SLC35F2: variants seen among roughly 807,000 people sequenced by gnomAD.
SLC35F2 encodes the protein solute carrier family 35 member F2, also known as queuine/queuosine transporter SLC35F2.
In SLC35F2, 25 loss-of-function variants were observed where a neutral mutation model predicts 38.1. The observed-to-expected ratio is 0.66, with a 90% CI of 0.48 to 0.92. The LOEUF (loss-of-function observed/expected upper bound fraction) is 0.92, where lower values mean the gene tolerates loss of function less well. Ranked by LOEUF, SLC35F2 falls within the 40% of genes least tolerant of loss-of-function variation. SLC35F2 has a pLI of 0.00. For synonymous variants in SLC35F2, 173 were observed against 181.7 expected (o/e 0.95, Z 0.38); for missense variants, 409 against 452.9 (o/e 0.90, Z 0.88).
chr11:107,810,590 G>A (rs1238166523), intron 3 of SLC35F2: 30 of 985,082 alleles, frequency 3.0e-5, no homozygotes, highest in Non-Finnish European at 3.3e-5. Flanking sequence ...TAATTTTTAC[G>A]AAACTTTAGG....
Position 107,821,492 on chromosome 11 carries a change from G to A in SLC35F2, c.111-5527C>T, listed in dbSNP as rs1053041692. On this transcript the variant is annotated intron_variant, in intron 1 of 7. Coordinates refer to ENST00000525815, the MANE Select transcript of SLC35F2 (RefSeq NM_017515.5). ...GGAGGGGGTAGGAAATTGAGCAAAG[G>A]AAGAAAGAAGACAAGAACACTCAAA... 4 of 985,246 alleles carry A rather than the reference G, an allele frequency of 4.1e-6. No homozygotes were observed. The East Asian group carries it at 4.5e-4, about 112-fold the overall frequency. 61.0% of individuals were successfully genotyped at this position (985,246 alleles called of 1,614,324 possible).
intron 3 of SLC35F2, among the ~76,000 whole-genome samples, chr11:107,808,664 G>A (rs1392792744): frequency 2.6e-5 from 4 of 152,130 alleles, no homozygotes; most frequent in Admixed American, 6.5e-5. Context: ...AGCATCAGTG[G>A]AGTCCAACGC....
intron 1 of SLC35F2, among the ~76,000 whole-genome samples, chr11:107,817,208 G>C (rs1178003256): frequency 6.6e-6 from 1 of 151,984 alleles, no homozygotes; most frequent in Non-Finnish European, 1.5e-5. Flanking sequence ...CACAGGAAGC[G>C]GAGGTTGCAG....
chr11:107,844,139 G>T (rs1046552663), intron 1 of SLC35F2, among the ~76,000 whole-genome samples: 2 of 151,874 alleles, frequency 1.3e-5, no homozygotes, highest in African/African-American at 2.4e-5. Context: ...TTGCCCTATC[G>T]CAAAAGACAG....
chr11:107,806,024 C>T (rs1298421777), intron 4 of SLC35F2, among the ~76,000 whole-genome samples: 1 of 152,162 alleles, frequency 6.6e-6, no homozygotes, highest in Admixed American at 6.6e-5. Context: ...CTCAGGTGAT[C>T]CACCCACCTT....
intron 7 of SLC35F2, among the ~76,000 whole-genome samples, chr11:107,796,953 G>A (rs571868038): frequency 3.9e-5 from 6 of 152,244 alleles, no homozygotes; most frequent in East Asian, 3.9e-4. Flanking sequence ...GATTACAGGC[G>A]TGAGCCACCA....
At chr11:107,809,644 A>G (rs74990658) in intron 3 of SLC35F2, 2 of 972,748 alleles carry the variant, frequency 2.1e-6, no homozygotes, top group East Asian at 2.3e-4. Context: ...AAAAAAAAAA[A>G]GTATTCTTGG....
chr11:107,795,024 A>G (rs2134755818), intron 7 of SLC35F2, among the ~76,000 whole-genome samples: 1 of 152,312 alleles, frequency 6.6e-6, no homozygotes, highest in South Asian at 2.1e-4. Flanking sequence ...GAAAGCTACA[A>G]AACCCTGATG....
intron 4 of SLC35F2, among the ~76,000 whole-genome samples, chr11:107,806,116 T>C (rs895482095): frequency 3.3e-5 from 5 of 152,206 alleles, no homozygotes; most frequent in African/African-American, 1.2e-4. Context: ...CTTACTCTTC[T>C]CACTTTCTGG....
At chr11:107,848,273 GAAAA>G (rs368917836) in intron 1 of SLC35F2, among the ~76,000 whole-genome samples, 5,715 of 152,240 alleles carry the variant, frequency 0.038, 180 homozygotes, top group African/African-American at 0.089. Context: ...AGAGGAAGAA[GAAAA>G]AGGAGAGAAG....
At chr11:107,848,111 G>A (rs771666213) in intron 1 of SLC35F2, among the ~76,000 whole-genome samples, 4 of 152,034 alleles carry the variant, frequency 2.6e-5, no homozygotes, top group Admixed American at 1.3e-4. Flanking sequence ...ACAAGTTCTG[G>A]AAACAGATAT....
intron 4 of SLC35F2, 157 bp from the exon 5 acceptor site, chr11:107,805,672 A>ATGTG: frequency 2.1e-6 from 2 of 930,274 alleles, no homozygotes; most frequent in Non-Finnish European, 2.6e-6. Context: ...GTGTGTGTGT[A>ATGTG]TGTGTGTGTG....
chr11:107,805,259 C>T lies in SLC35F2; in HGVS notation c.731+100G>A, dbSNP rs950402453. The T allele has an allele frequency of 3.5e-6, 5 of 1,423,502 alleles. No individual in the cohort carries two copies. The African/African-American group carries it at 5.8e-5, about 16-fold the overall frequency. 88.2% of individuals were successfully genotyped at this position (1,423,502 alleles called of 1,614,324 possible). A position where few individuals can be genotyped will look rare whatever the true frequency, so the allele number is the denominator to read the frequency against. ...CTCTTGCATCCACCTAATACTAATT[C>T]CAAATGTGAATTTGGGCCAAATAAA... On this transcript the variant is annotated intron_variant, in intron 5 of 7. Transcript: ENST00000525815.
At chr11:107,794,470 T>C (rs375172328) in intron 7 of SLC35F2, among the ~76,000 whole-genome samples, 148 of 152,338 alleles carry the variant, frequency 9.7e-4, no homozygotes, top group African/African-American at 3.3e-3. Context: ...AGAGAAACTA[T>C]GTACTGTAAC....
chr11:107,792,487 C>G lies in SLC35F2; in HGVS notation c.*128G>C. 1 of 1,110,028 alleles carries G rather than the reference C, an allele frequency of 9.0e-7. No homozygotes were observed. The highest frequency in any genetic ancestry group is 3.3e-5 in the Admixed American group (1 of 30,734). The allele number at this position is 1,110,028 out of a possible 1,614,324, so 68.8% of individuals were successfully genotyped here. Reference sequence around the variant, plus strand: ...TTTGTTCAGTGTTCCTTTCTAAAACCTAACCACTGGATCCAACCCAGGGTT... The same window carrying G: ...TTTGTTCAGTGTTCCTTTCTAAAACGTAACCACTGGATCCAACCCAGGGTT... On this transcript the variant is annotated 3_prime_UTR_variant, in exon 8 of 8. Transcript: ENST00000525815.
chr11:107,836,507 C>T (rs908114546), intron 1 of SLC35F2, among the ~76,000 whole-genome samples: 2 of 152,178 alleles, frequency 1.3e-5, no homozygotes, highest in African/African-American at 4.8e-5. Flanking sequence ...CAGGTAGCCC[C>T]AATCTAATCA....
At chr11:107,852,654 C>T (rs1432682185) in intron 1 of SLC35F2, among the ~76,000 whole-genome samples, 2 of 151,906 alleles carry the variant, frequency 1.3e-5, no homozygotes, top group Non-Finnish European at 2.9e-5. Flanking sequence ...AGCAGGTCAC[C>T]TGAGGTCAGG....
At chr11:107,804,680 A>C (rs752315348) in intron 6 of SLC35F2, 38 bp downstream of exon 6, 1 of 1,448,052 alleles carries the variant, frequency 6.9e-7, no homozygotes, top group Non-Finnish European at 9.6e-7. Context: ...TTTGTTTGTT[A>C]AAGAATGCTG....
chr11:107,822,229 G>A (rs186060385), intron 1 of SLC35F2, among the ~76,000 whole-genome samples: 11 of 151,984 alleles, frequency 7.2e-5, no homozygotes, highest in East Asian at 3.9e-4. Flanking sequence ...GCGAGACTCC[G>A]TCTCAAAAAA....
Sources: gnomAD v4.1 joint callset for allele counts (sites outside exome capture counted in the v4.1 genomes callset) on GRCh38, gnomAD v4.1.1 for gene constraint, MANE v1.5 for transcripts, NCBI Gene and HGNC (gene_info 2026-07-23, HGNC 2026-07-21) for gene names.